The following ARHGEF18 variants were observed in gnomAD, a reference collection of about 807,000 sequenced individuals.
ARHGEF18 encodes Rho/Rac guanine nucleotide exchange factor 18.
A neutral mutation model predicts 155.7 loss-of-function variants in ARHGEF18; 93 were observed. The ratio of observed to expected loss-of-function variants is 0.60; its 90% CI spans 0.50 to 0.71. The LOEUF (loss-of-function observed/expected upper bound fraction) is 0.71. Ranked by LOEUF, ARHGEF18 falls within the 30% of genes least tolerant of loss-of-function variation. The pLI, the probability that ARHGEF18 is intolerant of heterozygous loss-of-function variation, is 0.00. For synonymous variants in ARHGEF18, 742 were observed against 753.1 expected (o/e 0.99, Z 0.24); for missense variants, 1,593 against 1,816.1 (o/e 0.88, Z 2.23).
At chr19:7,412,035 GTT>G (rs35949554) in intron 10 of ARHGEF18, among the ~76,000 whole-genome samples, 78,394 of 148,796 alleles carry the variant, frequency 0.53, 21,302 homozygotes, top group Middle Eastern at 0.73. Context: ...TTTTTGTTTG[GTT>G]TTTCTTTTTT....
chr19:7,466,909 T>C lies in ARHGEF18; in HGVS notation c.2905-9T>C. ...CACTCTCTCTGGTTTGACGGTGTCC[T>C]CTTCCCAGGTGGAGGCGCCAGGCAC... On this transcript the variant is annotated splice_polypyrimidine_tract_variant and intron_variant, in intron 23 of 28. Coordinates refer to ENST00000668164, the MANE Select transcript of ARHGEF18 (RefSeq NM_001367823.1). 6.2e-7 allele frequency: 1 copy of C among 1,612,792 alleles called. No homozygotes were observed. The highest frequency in any genetic ancestry group is 8.5e-7 in the Non-Finnish European group (1 of 1,179,862).
At chr19:7,428,869 C>T (rs1396410423) in intron 10 of ARHGEF18, among the ~76,000 whole-genome samples, 2 of 152,170 alleles carry the variant, frequency 1.3e-5, no homozygotes, top group African/African-American at 2.4e-5. Context: ...GTGCTCGTGC[C>T]GCAATGGGCT....
Position 7,466,984 on chromosome 19 carries a change from C to G in ARHGEF18, c.2961+10C>G. The G allele has an allele frequency of 6.2e-7, 1 of 1,613,354 alleles. No individual in the cohort carries two copies. The highest frequency in any genetic ancestry group is 8.5e-7 in the Non-Finnish European group (1 of 1,179,990). On this transcript the variant is annotated intron_variant, in intron 24 of 28. Transcript: ENST00000668164. ...CGTCCTGGAGTCGGAGGTAGGCGCC[C>G]GCGGGTCTCCATCTCCCCAGGGCCT... is the stretch of plus-strand genomic sequence containing the variant.
chr19:7,381,444 G>A (rs1189574676), intron 8 of ARHGEF18, among the ~76,000 whole-genome samples: 4 of 152,022 alleles, frequency 2.6e-5, no homozygotes, highest in African/African-American at 7.2e-5. Context: ...TTGGGAGGCC[G>A]AGGAGGGTGG....
rs569210698 is a variant in ARHGEF18, at chr19:7,354,384, G to A, written c.-111+5143G>A. ...ACTTTGGGAGGCTGATTTGGGGCTGGGGGTGATTTGGGGCTGGGAAGTAAT... is the reference window on the plus strand; with the variant it reads ...ACTTTGGGAGGCTGATTTGGGGCTGAGGGTGATTTGGGGCTGGGAAGTAAT... On this transcript the variant is annotated intron_variant, in intron 1 of 28. Coordinates refer to ENST00000668164, the MANE Select transcript of ARHGEF18 (RefSeq NM_001367823.1). Among the ~76,000 whole-genome samples, 40 of 150,756 alleles carry A rather than the reference G, an allele frequency of 2.7e-4. No homozygotes were observed. The East Asian group carries it at 8.1e-3, about 30-fold the overall frequency.
chr19:7,400,815 A>G (rs1256139316), intron 10 of ARHGEF18, among the ~76,000 whole-genome samples: 2 of 152,168 alleles, frequency 1.3e-5, no homozygotes, highest in Admixed American at 1.3e-4. Context: ...AGCCTTGGCA[A>G]CAGAGCAAGA....
In ARHGEF18 at chr19:7,470,287, A is replaced by T. The variant is rs551104818; in HGVS notation, c.4075A>T (p.Ile1359Phe). 9 of 1,535,810 alleles carry T rather than the reference A, an allele frequency of 5.9e-6. No individual in the cohort carries two copies. In the East Asian group the frequency reaches 2.0e-4, roughly 34 times the overall value. The part of the protein sequence containing the change: ...AKEDASKEDV[I>F]FF The stretch of plus-strand genomic sequence containing the variant: ...GGAGGACGCCAGCAAAGAAGACGTC[A>T]TCTTCTTCTAAAAGGGCCGTGACTC... The change falls in exon 29 of 29, where the codon ATC becomes TTC. Residue 1359 changes from isoleucine (I) to phenylalanine (F), a missense_variant. Transcript: ENST00000668164. This position sits in a 1 kb window ranked among gnomAD's most constrained non-coding sequence, Gnocchi z 5.9.
downstream of ARHGEF18, chr19:7,472,999 C>T (rs1261574420): frequency 1.5e-5 from 7 of 455,950 alleles, no homozygotes; most frequent in Middle Eastern, 3.3e-4. Flanking sequence ...AGGAGTGGGG[C>T]GTGGAGGTGC....
At chr19:7,364,221 G>T (rs1969774079) in intron 2 of ARHGEF18, among the ~76,000 whole-genome samples, 1 of 151,168 alleles carries the variant, frequency 6.6e-6, no homozygotes, top group African/African-American at 2.4e-5. Flanking sequence ...AAGAAGGAAG[G>T]AAGTAAGGAA....
At chr19:7,451,406 T>G (rs1313087884) in intron 16 of ARHGEF18, 140 bp downstream of exon 16, 4 of 250,096 alleles carry the variant, frequency 1.6e-5, no homozygotes, top group Non-Finnish European at 2.6e-5. Context: ...GTTCCTTCCT[T>G]TTTTTTTTTT....
chr19:7,397,191 G>A (rs897619230), intron 10 of ARHGEF18, among the ~76,000 whole-genome samples: 11 of 150,560 alleles, frequency 7.3e-5, no homozygotes, highest in Non-Finnish European at 1.0e-4. Flanking sequence ...TTTTGTAAAC[G>A]TTACTTTGTT....
intron 15 of ARHGEF18, among the ~76,000 whole-genome samples, chr19:7,448,887 C>A (rs927587031): frequency 6.6e-6 from 1 of 152,110 alleles, no homozygotes; most frequent in South Asian, 2.1e-4. Flanking sequence ...ACATTCACCT[C>A]TTTAGAGGCC....
rs1974890746 is a variant in ARHGEF18 at position 7,444,850 on chromosome 19, G to C, written c.1611+396G>C. ...GATGGGGTCTTGCTTTGTTGCCCAGGCTAGTCTCAAATTCCTGGCTTAAGC... is the reference window on the plus strand; with the variant it reads ...GATGGGGTCTTGCTTTGTTGCCCAGCCTAGTCTCAAATTCCTGGCTTAAGC... On this transcript the variant is annotated intron_variant, in intron 14 of 28. Coordinates refer to ENST00000668164, the MANE Select transcript of ARHGEF18 (RefSeq NM_001367823.1). The surrounding 1 kb of genome is among the most constrained non-coding windows in gnomAD (Gnocchi z 4.7). Among the ~76,000 whole-genome samples, 1 of 152,024 alleles carries C rather than the reference G, an allele frequency of 6.6e-6. No homozygotes were observed. The highest frequency in any genetic ancestry group is 2.4e-5 in the African/African-American group (1 of 41,390).
Position 7,385,396 on chromosome 19 carries a change from G to A in ARHGEF18, c.967+2193G>A, listed in dbSNP as rs961435786. 4.0e-5 allele frequency among the ~76,000 whole-genome samples: 6 copies of A among 151,628 alleles called. No individual in the cohort carries two copies. In the East Asian group the frequency reaches 1.2e-3, roughly 29 times the overall value. ...TTTGGGGTCACCCAAGGTCTTGTAT[G>A]TCCATGTGGCCCACTGACTTAGAGC... On this transcript the variant is annotated intron_variant, in intron 10 of 28. Coordinates refer to ENST00000668164, the MANE Select transcript of ARHGEF18 (RefSeq NM_001367823.1).
Position 7,375,759 on chromosome 19 carries a change from T to A in ARHGEF18, c.315T>A (p.Cys105Ter). 8.1e-7 allele frequency: 1 copy of A among 1,234,438 alleles called. No individual in the cohort carries two copies. The allele number at this position is 1,234,438 out of a possible 1,614,324, so 76.5% of individuals were successfully genotyped here. A position where few individuals can be genotyped will look rare whatever the true frequency, so the allele number is the denominator to read the frequency against. ...CCTCAGCTGTGGATGAGGAACCCTG[T>A]CTCCCCCGAACACTGGCCAGCCTTG... Reference protein sequence around the residue: ...LDASAVDEEPCLPRTLASLAL... With the variant: ...LDASAVDEEP Residue 105 changes from cysteine to a stop codon, truncating the protein, a stop_gained, in exon 4 of 29, where the codon TGT (cysteine) becomes TGA (stop). Transcript: ENST00000668164. LOFTEE classifies it high-confidence loss of function.
chr19:7,451,141 T>C lies in ARHGEF18; in HGVS notation c.1738-8T>C, dbSNP rs1369394810. ...TGTTAATACAGGATCTTGCTTTCTG[T>C]TTCCTAGAAAATTGGCAACTTCTCC... On this transcript the variant is annotated splice_region_variant and splice_polypyrimidine_tract_variant and intron_variant, in intron 15 of 28. Transcript: ENST00000668164. 5 of 1,614,002 alleles carry C rather than the reference T, an allele frequency of 3.1e-6. No individual in the cohort carries two copies. Among genetic ancestry groups the C allele is most frequent in the Non-Finnish European group, 4.2e-6 (5 of 1,179,828 alleles).
intron 10 of ARHGEF18, among the ~76,000 whole-genome samples, chr19:7,384,545 A>G (rs1315732431): frequency 6.6e-6 from 1 of 152,082 alleles, no homozygotes; most frequent in East Asian, 1.9e-4. Context: ...CTGCAGTGCC[A>G]TTGCTGGCCA....
At chr19:7,430,158 A>G (rs1973875112) in intron 10 of ARHGEF18, among the ~76,000 whole-genome samples, 1 of 151,950 alleles carries the variant, frequency 6.6e-6, no homozygotes. Context: ...AGGCTCCCAC[A>G]TTGCACTTGG....
intron 10 of ARHGEF18, among the ~76,000 whole-genome samples, chr19:7,438,461 G>T (rs1974411708): frequency 6.7e-6 from 1 of 150,266 alleles, no homozygotes; most frequent in African/African-American, 2.5e-5. Flanking sequence ...GCCCAGGCTG[G>T]AGTGCAGTGG....
Sources: allele counts gnomAD v4.1 joint callset (sites outside exome capture counted in the v4.1 genomes callset), GRCh38; gene constraint gnomAD v4.1.1; non-coding constraint Gnocchi (gnomAD v3.1); transcripts MANE v1.5; gene names NCBI Gene and HGNC (gene_info 2026-07-23, HGNC 2026-07-21).